The following TNPO3 variants were observed in gnomAD, a reference collection of about 807,000 sequenced individuals.
The protein encoded by TNPO3 is transportin 3, also known as transportin-3.
Under a neutral mutation model 122.8 loss-of-function variants are expected in TNPO3, and 65 were observed. That is an observed-to-expected ratio of 0.53 (90% CI 0.43 to 0.65). The LOEUF (loss-of-function observed/expected upper bound fraction) is 0.65, where lower values mean the gene tolerates loss of function less well. TNPO3 is among the 30% of genes least tolerant of loss of function. TNPO3 has a pLI of 0.00. For synonymous variants in TNPO3, 372 were observed against 411.2 expected (o/e 0.90, Z 1.15); for missense variants, 850 against 1,136.7 (o/e 0.75, Z 3.63).
intron 4 of TNPO3, among the ~76,000 whole-genome samples, chr7:129,014,685 G>A (rs973973376): frequency 6.6e-6 from 1 of 152,186 alleles, no homozygotes; most frequent in Non-Finnish European, 1.5e-5. Flanking sequence ...CAGTAGAAGA[G>A]CACAAGATAA....
intron 18 of TNPO3, among the ~76,000 whole-genome samples, chr7:128,973,268 G>T (rs1425159434): frequency 6.6e-6 from 1 of 152,160 alleles, no homozygotes; most frequent in Non-Finnish European, 1.5e-5. Flanking sequence ...GCTGGATTTT[G>T]AAAGTAGTTT....
rs1798898917 is a variant in TNPO3, at chr7:128,974,859, AG to A, written c.2273+8del. 1.9e-6 allele frequency: 3 copies of A among 1,610,996 alleles called. No homozygotes were observed. The East Asian group carries it at 6.7e-5, about 36-fold the overall frequency. On this transcript the variant is annotated splice_region_variant and intron_variant, in intron 18 of 22. Transcript: ENST00000265388. ...GCAATTAAGAAATGGGCTCTTCAGA[AG>A]GATTTACCTGGTGGCTAGCCGGAAC...
chr7:129,002,868 A>C (rs1327936158), intron 5 of TNPO3, among the ~76,000 whole-genome samples: 1 of 151,736 alleles, frequency 6.6e-6, no homozygotes, highest in Non-Finnish European at 1.5e-5. Context: ...GTGAAACCCC[A>C]TCTCTACTAA....
At chr7:128,979,234 T>A in intron 15 of TNPO3, 111 bp from the exon 16 acceptor site, 1 of 1,334,826 alleles carries the variant, frequency 7.5e-7, no homozygotes, top group South Asian at 1.4e-5. Flanking sequence ...GGACAAAACT[T>A]TCTGTATAGG....
At chr7:129,032,652 G>A (rs894355044) in intron 1 of TNPO3, among the ~76,000 whole-genome samples, 3 of 152,108 alleles carry the variant, frequency 2.0e-5, no homozygotes, top group African/African-American at 7.2e-5. Flanking sequence ...TAACCAAGGA[G>A]ACAAAAGACT....
chr7:129,015,347 A>G (rs984476869), intron 3 of TNPO3, among the ~76,000 whole-genome samples: 1 of 148,058 alleles, frequency 6.8e-6, no homozygotes, highest in Admixed American at 6.8e-5. Flanking sequence ...CATTATAATG[A>G]ACATGATATC....
chr7:129,038,632 A>G (rs2150526726), intron 1 of TNPO3, among the ~76,000 whole-genome samples: 1 of 152,362 alleles, frequency 6.6e-6, no homozygotes, highest in East Asian at 1.9e-4. Context: ...GATATGCACC[A>G]TGGAATACTA....
rs145805855 is a variant in TNPO3 at position 129,026,240 on chromosome 7, G to C, written c.121-8083C>G. Among the ~76,000 whole-genome samples the C allele has an allele frequency of 4.6e-5, 7 of 151,682 alleles. No homozygotes were observed. The East Asian group carries it at 1.4e-3, about 29-fold the overall frequency. ...ACATTTCTATCTCCTTAAAAGTAGA[G>C]ACCTCAAAAATGAAGGGCAGAAGCA... is the stretch of plus-strand genomic sequence containing the variant. On this transcript the variant is annotated intron_variant, in intron 1 of 22. Transcript: ENST00000265388.
chr7:129,042,737 C>T lies in TNPO3; in HGVS notation c.120+11914G>A, dbSNP rs186911806. Among the ~76,000 whole-genome samples, 562 of 152,016 alleles carry T rather than the reference C, an allele frequency of 3.7e-3. 2 individuals are homozygous for T. Among genetic ancestry groups the T allele is most frequent in the Middle Eastern group, 0.014 (4 of 294 alleles). On this transcript the variant is annotated intron_variant, in intron 1 of 22. Coordinates refer to ENST00000265388, the MANE Select transcript of TNPO3 (RefSeq NM_012470.4). ...ATAAACTGAGGGGCACATAAGATAACCATCACTACCTAAAAATATTTTTCA... is the reference window on the plus strand; with the variant it reads ...ATAAACTGAGGGGCACATAAGATAATCATCACTACCTAAAAATATTTTTCA...
chr7:129,041,934 T>C (rs1563112458), intron 1 of TNPO3, among the ~76,000 whole-genome samples: 1 of 152,212 alleles, frequency 6.6e-6, no homozygotes, highest in South Asian at 2.1e-4. Context: ...TGCTCCCTTT[T>C]TTGTTTAATG....
At chr7:129,020,662 A>G (rs964982050) in intron 1 of TNPO3, among the ~76,000 whole-genome samples, 3 of 152,146 alleles carry the variant, frequency 2.0e-5, no homozygotes, top group African/African-American at 7.2e-5. Flanking sequence ...GCTGGTCTTG[A>G]ACTCCTAAAC....
intron 1 of TNPO3, among the ~76,000 whole-genome samples, chr7:129,044,079 T>A (rs967367958): frequency 6.6e-6 from 1 of 152,242 alleles, no homozygotes; most frequent in African/African-American, 2.4e-5. Flanking sequence ...CTTAAAGTAT[T>A]GTAATAACGC....
chr7:129,015,138 G>T lies in TNPO3; in HGVS notation c.396-3C>A. The T allele has an allele frequency of 6.2e-7, 1 of 1,603,066 alleles. No homozygotes were observed. Among genetic ancestry groups the T allele is most frequent in the Non-Finnish European group, 8.5e-7 (1 of 1,177,460 alleles). On this transcript the variant is annotated splice_region_variant and splice_polypyrimidine_tract_variant and intron_variant, in intron 3 of 22. Coordinates refer to ENST00000265388, the MANE Select transcript of TNPO3 (RefSeq NM_012470.4). Reference sequence around the variant, plus strand: ...AAGAAGTCACATCATTGCTGTATCTGCAAAAGAAAAAAGTGGAGATATGTT... The same window carrying T: ...AAGAAGTCACATCATTGCTGTATCTTCAAAAGAAAAAAGTGGAGATATGTT...
chr7:129,044,386 G>GA (rs1179894285), intron 1 of TNPO3, among the ~76,000 whole-genome samples: 6 of 152,028 alleles, frequency 3.9e-5, no homozygotes, highest in Non-Finnish European at 7.4e-5. Context: ...ACACAAAATA[G>GA]AAAAAAGAAT....
At position 129,015,007 on chromosome 7, in the gene TNPO3, A is replaced by G. The variant is rs1803672099; in HGVS notation, c.524T>C (p.Phe175Ser). Residue 175 changes from phenylalanine to serine, a missense_variant, in exon 4 of 23, where the codon TTC becomes TCC. Transcript: ENST00000265388. ...RRTEIIEDLAFYSSTVVSLLM... is the reference protein window; with the variant it reads ...RRTEIIEDLASYSSTVVSLLM... Reference sequence around the variant, plus strand: ...TAGAGATACTACTGTACTAGAGTAGAAGGCCAAATCTTCTATAATTTCTGT... The same window carrying G: ...TAGAGATACTACTGTACTAGAGTAGGAGGCCAAATCTTCTATAATTTCTGT... 5 of 1,610,846 alleles carry G rather than the reference A, an allele frequency of 3.1e-6. No individual in the cohort carries two copies. The highest frequency in any genetic ancestry group is 4.2e-6 in the Non-Finnish European group (5 of 1,179,494).
rs143516143 is a variant in TNPO3, at chr7:129,006,312, T to C, written c.553-1153A>G. Among the ~76,000 whole-genome samples, 818 of 152,320 alleles carry C rather than the reference T, an allele frequency of 5.4e-3. 7 individuals are homozygous for C. The highest frequency in any genetic ancestry group is 0.019 in the African/African-American group (790 of 41,576). On this transcript the variant is annotated intron_variant, in intron 4 of 22. Coordinates refer to ENST00000265388, the MANE Select transcript of TNPO3 (RefSeq NM_012470.4). ...TAATTTACTTACTTATATACCTGGT[T>C]GATACAGAATAGATAATAAGCTAGA...
At chr7:129,027,759 A>G (rs1390263683) in intron 1 of TNPO3, among the ~76,000 whole-genome samples, 1 of 152,088 alleles carries the variant, frequency 6.6e-6, no homozygotes, top group African/African-American at 2.4e-5. Context: ...TTGAAAGTGG[A>G]AGACAAGAGG....
intron 11 of TNPO3, among the ~76,000 whole-genome samples, chr7:128,988,967 C>T (rs1357466223): frequency 1.3e-5 from 2 of 152,002 alleles, no homozygotes. Flanking sequence ...ATCCCAGCTA[C>T]TTGGGAGGCT....
chr7:129,017,260 T>C (rs1017204915), intron 2 of TNPO3, among the ~76,000 whole-genome samples: 5 of 152,070 alleles, frequency 3.3e-5, no homozygotes, highest in Admixed American at 6.6e-5. Flanking sequence ...ATTTAAGAGT[T>C]AACCTTTAAA....
Sources: allele counts gnomAD v4.1 joint callset (sites outside exome capture counted in the v4.1 genomes callset), GRCh38; gene constraint gnomAD v4.1.1; transcripts MANE v1.5; gene names NCBI Gene and HGNC (gene_info 2026-07-23, HGNC 2026-07-21).